The following CD70 variants were observed in gnomAD, a reference collection of about 807,000 sequenced individuals.
The protein encoded by CD70 is CD70 molecule, also known as CD70 antigen.
Under a neutral mutation model 9.0 loss-of-function variants are expected in CD70, and 6 were observed. That is an observed-to-expected ratio of 0.67 (90% CI 0.37 to 1.32). CD70 has a LOEUF of 1.32. Among genes scored for constraint, CD70 ranks in the 40% most tolerant of loss-of-function variants. The pLI is 0.02. For synonymous variants in CD70, 108 were observed against 112.3 expected (o/e 0.96, Z 0.24); for missense variants, 235 against 258.7 (o/e 0.91, Z 0.63).
chr19:6,590,831 C>G lies in CD70; in HGVS notation c.162+10G>C, dbSNP rs201175134. The G allele has an allele frequency of 5.6e-6, 9 of 1,609,298 alleles. No homozygotes were observed. Among genetic ancestry groups the G allele is most frequent in the South Asian group, 1.1e-5 (1 of 90,700 alleles). ...TATGTTTTCTTCCCAACTTTTCCAT[C>G]TCAACTCACCCCAAGTGACTCGAGC... is the stretch of plus-strand genomic sequence containing the variant. On this transcript the variant is annotated intron_variant, in intron 1 of 2. Coordinates refer to ENST00000245903, the MANE Select transcript of CD70 (RefSeq NM_001252.5). The surrounding 1 kb of genome is among the most constrained non-coding windows in gnomAD (Gnocchi z 5.3).
At chr19:6,585,080 A>G (rs10425142), downstream of CD70, among the ~76,000 whole-genome samples, 113,274 of 151,686 alleles carry the variant, frequency 0.75, 43,649 homozygotes, top group Non-Finnish European at 0.84. Context: ...TCCGCCTCCC[A>G]GGTTCAAGAG....
chr19:6,587,605 A>C (rs1037002440), intron 2 of CD70, among the ~76,000 whole-genome samples: 1 of 150,256 alleles, frequency 6.7e-6, no homozygotes, highest in African/African-American at 2.4e-5. Context: ...AACGCCAATA[A>C]AAGCTTTGGC....
downstream of CD70, chr19:6,583,515 C>A: frequency 1.7e-6 from 1 of 584,150 alleles, no homozygotes; most frequent in South Asian, 2.1e-5. Context: ...TGTTTGGCAG[C>A]AATCTCTGAC....
intron 2 of CD70, 82 bp from the exon 3 acceptor site, chr19:6,586,487 T>C (rs16994592): frequency 0.097 from 134,894 of 1,394,454 alleles, 6,766 homozygotes; most frequent in Middle Eastern, 0.13. Context: ...AAGTCAGATA[T>C]AGAGATCGAG....
chr19:6,583,512 C>A, downstream of CD70: 1 of 590,156 alleles, frequency 1.7e-6, no homozygotes, highest in Non-Finnish European at 3.1e-6. Context: ...AATTGTTTGG[C>A]AGCAATCTCT....
At chr19:6,583,574 TTTTA>T, downstream of CD70, 10 of 496,872 alleles carry the variant, frequency 2.0e-5, no homozygotes, top group South Asian at 5.8e-5. Context: ...TTTTTTTTTT[TTTTA>T]AAGACAGTCT....
downstream of CD70, among the ~76,000 whole-genome samples, chr19:6,585,089 A>C (rs10425310): frequency 0.025 from 3,745 of 151,750 alleles, 155 homozygotes; most frequent in Admixed American, 0.12. Context: ...CAGGTTCAAG[A>C]GATTCTCCTG....
At chr19:6,584,374 G>A (rs142309647), downstream of CD70, among the ~76,000 whole-genome samples, 346 of 151,904 alleles carry the variant, frequency 2.3e-3, 2 homozygotes, top group Non-Finnish European at 3.5e-3. Context: ...GGACGTGGTG[G>A]CGGATTTCTG....
chr19:6,586,443 T>C, intron 2 of CD70, 38 bp from the exon 3 acceptor site: 1 of 1,553,668 alleles, frequency 6.4e-7, no homozygotes, highest in Non-Finnish European at 8.7e-7. Context: ...AGGATGGAGG[T>C]TTAGGGAAAC....
intron 2 of CD70, among the ~76,000 whole-genome samples, chr19:6,589,856 T>C (rs758740891): frequency 6.8e-6 from 1 of 146,108 alleles, no homozygotes; most frequent in South Asian, 2.2e-4. Flanking sequence ...CTGTCCCGTC[T>C]GTCCCCTCTG....
intron 2 of CD70, among the ~76,000 whole-genome samples, chr19:6,587,132 G>C (rs1439285353): frequency 6.6e-6 from 1 of 150,840 alleles, no homozygotes; most frequent in African/African-American, 2.4e-5. Flanking sequence ...GAGAGTGCGA[G>C]AGAGCACGAG....
At position 6,590,832 on chromosome 19, in the gene CD70, T is replaced by A; in HGVS notation, c.162+9A>T. ...ATGTTTTCTTCCCAACTTTTCCATC[T>A]CAACTCACCCCAAGTGACTCGAGCG... On this transcript the variant is annotated intron_variant, in intron 1 of 2. Transcript: ENST00000245903. This position sits in a 1 kb window ranked among gnomAD's most constrained non-coding sequence, Gnocchi z 5.3. 6.2e-7 allele frequency: 1 copy of A among 1,609,504 alleles called. No homozygotes were observed. Among genetic ancestry groups the A allele is most frequent in the Non-Finnish European group, 8.5e-7 (1 of 1,177,572 alleles).
At chr19:6,589,260 T>TTCTC (rs60465758) in intron 2 of CD70, among the ~76,000 whole-genome samples, 111,266 of 150,248 alleles carry the variant, frequency 0.74, 41,755 homozygotes, top group East Asian at 0.98. Context: ...TTTCTTTTCT[T>TTCTC]TCTCTTATTT....
At chr19:6,586,922 A>AAAAAAC (rs1555765965) in intron 2 of CD70, among the ~76,000 whole-genome samples, 2 of 140,354 alleles carry the variant, frequency 1.4e-5, no homozygotes, top group Non-Finnish European at 3.1e-5. Flanking sequence ...AAAAAAAAAA[A>AAAAAAC]CAGAAACAGA....
intron 2 of CD70, 89 bp from the exon 3 acceptor site, chr19:6,586,494 C>T (rs904421513): frequency 1.3e-5 from 18 of 1,357,120 alleles, no homozygotes; most frequent in Middle Eastern, 2.6e-4. Context: ...ATATAGAGAT[C>T]GAGAGTTAGA....
In CD70 at chr19:6,591,150, T is replaced by A; in HGVS notation, c.-148A>T. Reference sequence around the variant, plus strand: ...GTCAGGGGACCAGCCTGCCCCTCTCTGGGGATGTCCGGCCGGTCGAGGGGA... The same window carrying A: ...GTCAGGGGACCAGCCTGCCCCTCTCAGGGGATGTCCGGCCGGTCGAGGGGA... On this transcript the variant is annotated 5_prime_UTR_variant, in exon 1 of 3. Transcript: ENST00000245903. The A allele has an allele frequency of 1.3e-6, 1 of 751,150 alleles. No homozygotes were observed. Among genetic ancestry groups the A allele is most frequent in the Non-Finnish European group, 2.0e-6 (1 of 500,920 alleles). The allele number at this position is 751,150 out of a possible 1,614,324, so 46.5% of individuals were successfully genotyped here.
chr19:6,590,187 A>T lies in CD70; in HGVS notation c.163-51T>A, dbSNP rs1357928891. On this transcript the variant is annotated intron_variant, in intron 1 of 2. Transcript: ENST00000245903. This position sits in a 1 kb window ranked among gnomAD's most constrained non-coding sequence, Gnocchi z 5.3. ...GCACGGACGTAAGCAGAGAGGTTCT[A>T]TGTGTCCCCTGTGCCAGGAGCTCTC... 3.4e-6 allele frequency: 5 copies of T among 1,491,490 alleles called. No homozygotes were observed. Among genetic ancestry groups the T allele is most frequent in the Non-Finnish European group, 3.7e-6 (4 of 1,068,180 alleles). The allele number at this position is 1,491,490 out of a possible 1,614,324, so 92.4% of individuals were successfully genotyped here. A position where few individuals can be genotyped will look rare whatever the true frequency, so the allele number is the denominator to read the frequency against.
intron 2 of CD70, among the ~76,000 whole-genome samples, chr19:6,586,902 C>CA (rs55803401): frequency 0.2 from 17,040 of 85,280 alleles, 3,012 homozygotes; most frequent in Admixed American, 0.25. Context: ...GAGAGAGAGA[C>CA]AAAAAAAAAA....
intron 2 of CD70, among the ~76,000 whole-genome samples, chr19:6,589,667 G>A (rs1916108179): frequency 6.6e-6 from 1 of 151,960 alleles, no homozygotes; most frequent in African/African-American, 2.4e-5. Flanking sequence ...TGGGATTACA[G>A]GCTCCAGCAA....
Sources: gnomAD v4.1 joint callset for allele counts (sites outside exome capture counted in the v4.1 genomes callset) on GRCh38, gnomAD v4.1.1 for gene constraint, Gnocchi (gnomAD v3.1) non-coding constraint, MANE v1.5 for transcripts, NCBI Gene and HGNC (gene_info 2026-07-23, HGNC 2026-07-21) for gene names.